The following PHF14 variants were observed in gnomAD, a reference collection of about 807,000 sequenced individuals.
PHF14 encodes PHD finger protein 14.
In PHF14, 55 loss-of-function variants were observed where a neutral mutation model predicts 117.9. The observed-to-expected ratio is 0.47, with a 90% CI of 0.38 to 0.58. The LOEUF is 0.58. Ranked by LOEUF, PHF14 falls within the 20% of genes least tolerant of loss-of-function variation. PHF14 has a pLI of 0.00. For missense variants in PHF14, 978 were observed against 1,122.2 expected (o/e 0.87, Z 1.84); for synonymous variants, 409 against 368.6 (o/e 1.11, Z -1.26).
intron 17 of PHF14, among the ~76,000 whole-genome samples, chr7:11,145,092 T>C (rs757682318): frequency 9.9e-5 from 15 of 151,916 alleles, no homozygotes; most frequent in Non-Finnish European, 1.9e-4. Flanking sequence ...ATGGTTAAGA[T>C]GGTAATTTTT....
intron 17 of PHF14, among the ~76,000 whole-genome samples, chr7:11,129,706 C>A (rs925967246): frequency 2.0e-5 from 3 of 151,662 alleles, no homozygotes; most frequent in African/African-American, 7.3e-5. Flanking sequence ...GAAGGTGTGC[C>A]ACATACTTCA....
chr7:11,112,906 AT>A (rs1240267131), intron 17 of PHF14, among the ~76,000 whole-genome samples: 1 of 152,116 alleles, frequency 6.6e-6, no homozygotes, highest in East Asian at 1.9e-4. Context: ...CAGGCATTTT[AT>A]TAAGGCCTAG....
At chr7:11,007,314 T>A (rs1380408014) in intron 4 of PHF14, among the ~76,000 whole-genome samples, 2 of 152,208 alleles carry the variant, frequency 1.3e-5, no homozygotes, top group Admixed American at 6.5e-5. Flanking sequence ...ATATTTTCCA[T>A]CCTTGCAAAT....
At chr7:11,068,503 A>G (rs750816011) in intron 16 of PHF14, among the ~76,000 whole-genome samples, 33 of 152,144 alleles carry the variant, frequency 2.2e-4, no homozygotes, top group Non-Finnish European at 4.4e-4. Context: ...TATAGAGACA[A>G]AAGTAAAAAT....
chr7:11,049,072 A>G (rs1264926622), intron 13 of PHF14, among the ~76,000 whole-genome samples: 2 of 152,158 alleles, frequency 1.3e-5, no homozygotes, highest in Non-Finnish European at 2.9e-5. Context: ...AGTTTTTAAA[A>G]CAAAACAAAA....
At chr7:10,993,917 G>C (rs1782543967) in intron 4 of PHF14, among the ~76,000 whole-genome samples, 1 of 151,820 alleles carries the variant, frequency 6.6e-6, no homozygotes, top group Admixed American at 6.6e-5. Context: ...GCTAAGGCAG[G>C]AGATTTGCTG....
At chr7:11,127,767 T>G (rs1787968434) in intron 17 of PHF14, among the ~76,000 whole-genome samples, 1 of 152,146 alleles carries the variant, frequency 6.6e-6, no homozygotes, top group Admixed American at 6.6e-5. Flanking sequence ...AAATATTTTC[T>G]GAAGTATTTT....
chr7:11,133,286 A>C lies in PHF14; in HGVS notation c.2772+21819A>C, dbSNP rs565315163. Among the ~76,000 whole-genome samples the C allele has an allele frequency of 2.0e-5, 3 of 151,930 alleles. No individual in the cohort carries two copies. The South Asian group carries it at 6.2e-4, about 31-fold the overall frequency. ...AGAACAAAGTCAGAGGACTGACACT[A>C]CCCAACTTTAAAACTTACTATAAAG... is the stretch of plus-strand genomic sequence containing the variant. On this transcript the variant is annotated intron_variant, in intron 17 of 17. Transcript: ENST00000634607.
chr7:11,088,990 T>C (rs561336475), intron 16 of PHF14, among the ~76,000 whole-genome samples: 1 of 151,960 alleles, frequency 6.6e-6, no homozygotes, highest in South Asian at 2.1e-4. Flanking sequence ...GGAGTCTGAG[T>C]AAAGTAAAAT....
Position 10,982,865 on chromosome 7 carries a change from C to T in PHF14, c.606C>T (p.Asp202=). The T allele has an allele frequency of 6.2e-7, 1 of 1,613,774 alleles. No homozygotes were observed. Among genetic ancestry groups the T allele is most frequent in the South Asian group, 1.1e-5 (1 of 91,072 alleles). The part of the protein sequence containing the change: ...LDFVSMEELN[D]MDDYDSEDDN... ...TTGTGTCCATGGAAGAGCTGAATGA[C>T]ATGGATGACTATGACAGTGAGGATG... The change falls in exon 3 of 18, where the codon GAC becomes GAT. Residue 202 remains aspartate, a synonymous_variant. Coordinates refer to ENST00000634607, the MANE Select transcript of PHF14 (RefSeq NM_001007157.2).
At chr7:11,042,858 CT>C in intron 13 of PHF14, 44 bp downstream of exon 13, 1 of 1,366,114 alleles carries the variant, frequency 7.3e-7, no homozygotes, top group Non-Finnish European at 1.0e-6. Context: ...TTGATTTACT[CT>C]TAGTTTCAGC....
At chr7:11,068,349 CAAAAAAAA>C (rs10659513) in intron 16 of PHF14, among the ~76,000 whole-genome samples, 11 of 66,746 alleles carry the variant, frequency 1.6e-4, no homozygotes, top group African/African-American at 2.9e-4. Flanking sequence ...GACTCCGTCT[CAAAAAAAA>C]AAAAAAAAAA....
chr7:11,038,837 A>C lies in PHF14; in HGVS notation c.2058A>C (p.Leu686=), dbSNP rs778308824. 4.5e-6 allele frequency: 7 copies of C among 1,558,622 alleles called. No homozygotes were observed. Among genetic ancestry groups the C allele is most frequent in the Non-Finnish European group, 3.5e-6 (4 of 1,143,270 alleles). ...AAGGACAAGGAATATGGGCTTTACT[A>C]GGCAGAATCACAGGGCAGGTTAGTT... ...RSEGQGIWAL[L]GRITGQKLNI... Residue 686 remains leucine (L), a synonymous_variant, in exon 11 of 18, where the codon CTA becomes CTC. Transcript: ENST00000634607.
chr7:11,004,784 C>T (rs906995094), intron 4 of PHF14, among the ~76,000 whole-genome samples: 1 of 151,504 alleles, frequency 6.6e-6, no homozygotes, highest in African/African-American at 2.4e-5. Flanking sequence ...GCCTGTAATC[C>T]CAGCACTTTG....
chr7:11,080,571 ACT>A (rs758849156), intron 16 of PHF14, among the ~76,000 whole-genome samples: 1 of 152,018 alleles, frequency 6.6e-6, no homozygotes, highest in African/African-American at 2.4e-5. Context: ...ATAAACATTA[ACT>A]CTGCTGGTTT....
intron 16 of PHF14, among the ~76,000 whole-genome samples, chr7:11,100,863 C>T (rs1309550389): frequency 6.6e-6 from 1 of 151,964 alleles, no homozygotes; most frequent in Non-Finnish European, 1.5e-5. Context: ...ACTGCTTTAG[C>T]ATATTTGACT....
chr7:11,089,896 G>A (rs552083864), intron 16 of PHF14, among the ~76,000 whole-genome samples: 34 of 150,590 alleles, frequency 2.3e-4, no homozygotes, highest in Non-Finnish European at 3.1e-4. Context: ...TCAGCCTCCC[G>A]AGTAAACTGG....
chr7:10,986,620 A>G (rs2128308954), intron 3 of PHF14, among the ~76,000 whole-genome samples: 1 of 152,284 alleles, frequency 6.6e-6, no homozygotes, highest in South Asian at 2.1e-4. Context: ...ACCTTATGGC[A>G]TTTTTTAAAT....
At chr7:11,105,051 T>G in intron 16 of PHF14, 3 of 899,318 alleles carry the variant, frequency 3.3e-6, no homozygotes, top group Non-Finnish European at 4.0e-6. Flanking sequence ...TGTTTTACAC[T>G]GACTATGGAA....
Sources: allele counts gnomAD v4.1 joint callset (sites outside exome capture counted in the v4.1 genomes callset), GRCh38; gene constraint gnomAD v4.1.1; transcripts MANE v1.5; gene names NCBI Gene and HGNC (gene_info 2026-07-23, HGNC 2026-07-21).